Variants in LHX9 observed in about 807,000 individuals in gnomAD.
The protein encoded by LHX9 is LIM homeobox 9, also known as LIM/homeobox protein Lhx9.
In LHX9, 9 loss-of-function variants were observed where a neutral mutation model predicts 36.5. The ratio of observed to expected loss-of-function variants is 0.25; its 90% CI spans 0.15 to 0.43. The LOEUF (loss-of-function observed/expected upper bound fraction) is 0.43, where lower values mean the gene tolerates loss of function less well. LHX9 is among the 20% of genes least tolerant of loss of function. The pLI, the probability that LHX9 is intolerant of heterozygous loss-of-function variation, is 1.00. For missense variants in LHX9, 464 were observed against 526.4 expected, an observed-to-expected ratio of 0.88 and a Z score of 1.16; for synonymous variants, 211 against 212.1, an observed-to-expected ratio of 0.99 and a Z score of 0.04.
chr1:197,915,357 G>T (rs919297637), upstream of LHX9, among the ~76,000 whole-genome samples: 4 of 152,186 alleles, frequency 2.6e-5, no homozygotes, highest in Non-Finnish European at 5.9e-5. Flanking sequence ...TGACTTGTGT[G>T]AAGGCAATCT....
Position 197,930,298 on chromosome 1 carries a change from T to C in LHX9, c.*1039T>C, listed in dbSNP as rs1365824034. 1 of 156,762 alleles carries C rather than the reference T, an allele frequency of 6.4e-6. No homozygotes were observed. The highest frequency in any genetic ancestry group is 1.4e-5 in the Non-Finnish European group (1 of 72,182). The allele number at this position is 156,762 out of a possible 1,614,324, so 9.7% of individuals were successfully genotyped here. On this transcript the variant is annotated 3_prime_UTR_variant, in exon 5 of 5. Coordinates refer to ENST00000367387, the MANE Select transcript of LHX9 (RefSeq NM_020204.3). The stretch of plus-strand genomic sequence containing the variant: ...ATTTTGACATAGGTTGACTTATGTA[T>C]TGAAAATAATTTTTCTGATATTAGA...
At position 197,917,583 on chromosome 1, in the gene LHX9, A is replaced by G; in HGVS notation, c.-241A>G. 10 of 1,500,238 alleles carry G rather than the reference A, an allele frequency of 6.7e-6. No homozygotes were observed. Among genetic ancestry groups the G allele is most frequent in the Non-Finnish European group, 8.9e-6 (10 of 1,118,952 alleles). 92.9% of individuals were successfully genotyped at this position (1,500,238 alleles called of 1,614,324 possible). A position where few individuals can be genotyped will look rare whatever the true frequency, so the allele number is the denominator to read the frequency against. The stretch of plus-strand genomic sequence containing the variant: ...TACGCCTCTTTTTCCCTCCGCCCGA[A>G]TTGTTTGTTTTCTGCACATCTCCTT... On this transcript the variant is annotated 5_prime_UTR_variant, in exon 1 of 5. Transcript: ENST00000367387.
chr1:197,919,590 C>T lies in LHX9; in HGVS notation c.175-382C>T, dbSNP rs1462172773. On this transcript the variant is annotated intron_variant, in intron 1 of 4. Coordinates refer to ENST00000367387, the MANE Select transcript of LHX9 (RefSeq NM_020204.3). The stretch of plus-strand genomic sequence containing the variant: ...CTCGTTGAAATTTCCTTTTCACTCC[C>T]TTATCATTTCCGTTGTTTTATTTTG... Among the ~76,000 whole-genome samples the T allele has an allele frequency of 2.6e-5, 4 of 152,326 alleles. No homozygotes were observed. In the East Asian group the frequency reaches 7.7e-4, roughly 29 times the overall value.
intron 2 of LHX9, 130 bp downstream of exon 2, chr1:197,920,304 G>A (rs375447785): frequency 5.0e-5 from 27 of 535,740 alleles, no homozygotes; most frequent in East Asian, 1.9e-4. Flanking sequence ...CGGAGACCAG[G>A]CAAACCCACT....
intron 3 of LHX9, 45 bp from the exon 4 acceptor site, chr1:197,927,546 A>C (rs766271045): frequency 6.5e-7 from 1 of 1,542,352 alleles, no homozygotes; most frequent in African/African-American, 1.4e-5. Context: ...CAGCTAATGC[A>C]AGAATTTCCA....
chr1:197,915,690 A>T (rs1409175344), upstream of LHX9: 1 of 152,160 alleles, frequency 6.6e-6, no homozygotes, highest in African/African-American at 2.4e-5. Context: ...AGAAAAAAGG[A>T]GGGGAAGCAG....
At position 197,929,927 on chromosome 1, in the gene LHX9, C is replaced by T; in HGVS notation, c.*668C>T. On this transcript the variant is annotated 3_prime_UTR_variant, in exon 5 of 5. Transcript: ENST00000367387. ...TCTTAGGGGTGTACAACTCTAAAAA[C>T]TTTTTACTTGGTTATTTGTTTTTCA... 2.0e-6 allele frequency: 2 copies of T among 980,924 alleles called. No homozygotes were observed. The highest frequency in any genetic ancestry group is 2.4e-6 in the Non-Finnish European group (2 of 825,824). 60.8% of individuals were successfully genotyped at this position (980,924 alleles called of 1,614,324 possible). A position where few individuals can be genotyped will look rare whatever the true frequency, so the allele number is the denominator to read the frequency against.
chr1:197,920,657 C>A (rs1659954332), intron 2 of LHX9, among the ~76,000 whole-genome samples: 1 of 152,120 alleles, frequency 6.6e-6, no homozygotes, highest in Non-Finnish European at 1.5e-5. Flanking sequence ...AAAACCCAAG[C>A]CACTCAGTTC....
intron 3 of LHX9, among the ~76,000 whole-genome samples, chr1:197,927,272 C>T (rs1034674995): frequency 4.6e-5 from 7 of 152,198 alleles, no homozygotes; most frequent in African/African-American, 7.2e-5. Context: ...TTCTCACTCT[C>T]GTAGGTCTCT....
rs903389447 is a variant in LHX9 at position 197,932,126 on chromosome 1, C to T, written c.*2867C>T. ...TTAAATGTCATTTACTGAATGTTAA[C>T]GAAACTTGTGTTCTTTATGGTGTCT... On this transcript the variant is annotated 3_prime_UTR_variant, in exon 5 of 5. Transcript: ENST00000367387. The T allele has an allele frequency of 3.0e-5, 17 of 570,316 alleles. No homozygotes were observed. The highest frequency in any genetic ancestry group is 4.3e-5 in the Non-Finnish European group (14 of 326,576). 35.3% of individuals were successfully genotyped at this position (570,316 alleles called of 1,614,324 possible).
At chr1:197,927,315 A>C (rs536923369) in intron 3 of LHX9, among the ~76,000 whole-genome samples, 1 of 152,330 alleles carries the variant, frequency 6.6e-6, no homozygotes, top group East Asian at 1.9e-4. Flanking sequence ...GGGTTTGTTC[A>C]TATTCTCAAA....
rs1217857348 is a variant in LHX9, at chr1:197,920,127, C to T, written c.330C>T (p.Thr110=). ...AGCTGGCCCTCGAGTCCGAGCTCAC[C>T]TGCTTTGCCAAGGACGGTAGCATTT... ...ECKLALESEL[T]CFAKDGSIYC... is the part of the protein sequence containing the mutation. Residue 110 remains threonine (T), a synonymous_variant, in exon 2 of 5, where the codon ACC becomes ACT. Transcript: ENST00000367387. 6.2e-7 allele frequency: 1 copy of T among 1,614,252 alleles called. No homozygotes were observed.
At chr1:197,928,173 C>A (rs1244834666) in intron 4 of LHX9, among the ~76,000 whole-genome samples, 1 of 152,184 alleles carries the variant, frequency 6.6e-6, no homozygotes, top group Non-Finnish European at 1.5e-5. Flanking sequence ...TGCCTTAACT[C>A]GGCAAACTTT....
rs1660241327 is a variant in LHX9, at chr1:197,929,096, CCCCGCCCTCAGCAGACAG to C, written c.1033_1050del (p.Pro345_Ser350del). ...AAAGCTGACGGCACGTCGCTTCCGG[CCCCGCCCTCAGCAGACAG>C]CGGAGCTCTCACTCCACCCGGCACT... On this transcript the variant is annotated inframe_deletion, in exon 5 of 5. Transcript: ENST00000367387. 5 of 1,613,706 alleles carry C rather than the reference CCCCGCCCTCAGCAGACAG, an allele frequency of 3.1e-6. No individual in the cohort carries two copies. Among genetic ancestry groups the C allele is most frequent in the Non-Finnish European group, 4.2e-6 (5 of 1,179,894 alleles).
chr1:197,928,903 AAAG>A (rs1158608613), intron 4 of LHX9, 96 bp from the exon 5 acceptor site: 417 of 1,347,374 alleles, frequency 3.1e-4, no homozygotes, highest in Admixed American at 1.4e-3. Flanking sequence ...CAAAAAAAAA[AAAG>A]AAAGAAAGAA....
Position 197,933,681 on chromosome 1 carries a change from A to C in LHX9, c.*4422A>C, listed in dbSNP as rs1325952470. Reference sequence around the variant, plus strand: ...AAGAGACCAGAGAGGGAAAGAACATAACTGAAATTAGACATCTGAAAAAAA... The same window carrying C: ...AAGAGACCAGAGAGGGAAAGAACATCACTGAAATTAGACATCTGAAAAAAA... On this transcript the variant is annotated 3_prime_UTR_variant, in exon 5 of 5. Transcript: ENST00000367387. 7 of 151,934 alleles carry C rather than the reference A, an allele frequency of 4.6e-5. No homozygotes were observed. Among genetic ancestry groups the C allele is most frequent in the African/African-American group, 1.7e-4 (7 of 41,422 alleles). The allele number at this position is 151,934 out of a possible 1,614,324, so 9.4% of individuals were successfully genotyped here.
intron 2 of LHX9, among the ~76,000 whole-genome samples, chr1:197,920,754 T>C (rs1276388702): frequency 2.0e-5 from 3 of 152,178 alleles, no homozygotes; most frequent in South Asian, 2.1e-4. Context: ...TTCTCAGTTA[T>C]GTTTCTGGAT....
intron 1 of LHX9, chr1:197,918,610 T>C (rs1371860753): frequency 1.8e-6 from 1 of 548,524 alleles, no homozygotes; most frequent in African/African-American, 1.9e-5. Context: ...GTGTCATGTG[T>C]AGGGGGAAAT....
At chr1:197,928,705 T>C (rs1341675881) in intron 4 of LHX9, among the ~76,000 whole-genome samples, 1 of 152,128 alleles carries the variant, frequency 6.6e-6, no homozygotes, top group Non-Finnish European at 1.5e-5. Flanking sequence ...TTCATTTCCA[T>C]GGTATATCCA....
Sources: gnomAD v4.1 joint callset for allele counts (sites outside exome capture counted in the v4.1 genomes callset) on GRCh38, gnomAD v4.1.1 for gene constraint, MANE v1.5 for transcripts, NCBI Gene and HGNC (gene_info 2026-07-23, HGNC 2026-07-21) for gene names.